Variants in MAP3K20 observed in about 807,000 individuals in gnomAD.
The protein encoded by MAP3K20 is mitogen-activated protein kinase kinase kinase 20.
Under a neutral mutation model 85.7 loss-of-function variants are expected in MAP3K20, and 40 were observed. That is an observed-to-expected ratio of 0.47 (90% CI 0.36 to 0.61). MAP3K20 has a LOEUF of 0.61. Among genes scored for constraint, MAP3K20 ranks in the 20% least tolerant of loss-of-function variants. The pLI, the probability that MAP3K20 is intolerant of heterozygous loss-of-function variation, is 0.00. For synonymous variants in MAP3K20, 325 were observed against 327.7 expected (o/e 0.99, Z 0.09); for missense variants, 817 against 961.7 (o/e 0.85, Z 1.99).
In MAP3K20 at chr2:173,189,167, A is replaced by T. The variant is rs371394020; in HGVS notation, c.415+1544A>T. Among the ~76,000 whole-genome samples, 36 of 152,304 alleles carry T rather than the reference A, an allele frequency of 2.4e-4. No homozygotes were observed. The South Asian group carries it at 6.4e-3, about 27-fold the overall frequency. On this transcript the variant is annotated intron_variant, in intron 5 of 19. Transcript: ENST00000375213. Reference sequence around the variant, plus strand: ...TTCACTTTCTATGTTATGTATTTTTATAATGGCAGTTTTTCTAGTGAGCAC... The same window carrying T: ...TTCACTTTCTATGTTATGTATTTTTTTAATGGCAGTTTTTCTAGTGAGCAC...
At chr2:173,178,426 T>C (rs1001311077) in intron 3 of MAP3K20, among the ~76,000 whole-genome samples, 1 of 152,144 alleles carries the variant, frequency 6.6e-6, no homozygotes, top group African/African-American at 2.4e-5. Context: ...GGCAGATCAC[T>C]TGAGGCCAGG....
intron 2 of MAP3K20, among the ~76,000 whole-genome samples, chr2:173,113,189 C>A (rs1688022240): frequency 6.6e-6 from 1 of 152,058 alleles, no homozygotes. Context: ...TAAAGGTGTT[C>A]ATAGTAGCCT....
chr2:173,225,713 T>TA, intron 11 of MAP3K20: 1 of 985,312 alleles, frequency 1.0e-6, no homozygotes, highest in Non-Finnish European at 1.2e-6. Flanking sequence ...TGAACAAAAT[T>TA]ACCCAAGTCA....
intron 9 of MAP3K20, among the ~76,000 whole-genome samples, chr2:173,204,232 A>G (rs561436986): frequency 1.3e-5 from 2 of 152,332 alleles, no homozygotes; most frequent in African/African-American, 4.8e-5. Flanking sequence ...ATGTTAACTC[A>G]TTTATTCCTC....
intron 1 of MAP3K20, among the ~76,000 whole-genome samples, chr2:173,078,528 A>G (rs1420787440): frequency 6.6e-6 from 1 of 152,186 alleles, no homozygotes; most frequent in East Asian, 1.9e-4. Context: ...GAAGAGGACT[A>G]TGAATGCTAG....
At chr2:173,121,364 C>G (rs529983608) in intron 2 of MAP3K20, among the ~76,000 whole-genome samples, 1 of 152,042 alleles carries the variant, frequency 6.6e-6, no homozygotes, top group Admixed American at 6.6e-5. Flanking sequence ...AAGATATTGT[C>G]GGAAACATTA....
At chr2:173,251,929 T>A (rs1242526123) in intron 16 of MAP3K20, among the ~76,000 whole-genome samples, 1 of 152,210 alleles carries the variant, frequency 6.6e-6, no homozygotes, top group African/African-American at 2.4e-5. Flanking sequence ...TCTTGATTGT[T>A]TAATGGTTTT....
chr2:173,131,130 A>C (rs1052757085), intron 2 of MAP3K20, among the ~76,000 whole-genome samples: 2 of 152,198 alleles, frequency 1.3e-5, no homozygotes, highest in African/African-American at 4.8e-5. Flanking sequence ...AGGCAGCCCA[A>C]GGATCTTAAA....
At chr2:173,133,958 T>A (rs1574043945) in intron 2 of MAP3K20, among the ~76,000 whole-genome samples, 2 of 146,610 alleles carry the variant, frequency 1.4e-5, no homozygotes, top group Non-Finnish European at 3.0e-5. Flanking sequence ...ACCACTGCCC[T>A]CCAGCCTGGG....
chr2:173,122,107 C>T (rs980879905), intron 2 of MAP3K20, among the ~76,000 whole-genome samples: 9 of 152,238 alleles, frequency 5.9e-5, no homozygotes, highest in Non-Finnish European at 1.0e-4. Context: ...AGTCCCTGAT[C>T]ATTCAAATAA....
rs190599389 is a variant in MAP3K20, at chr2:173,118,214, G to A, written c.159+27024G>A. 3.7e-3 allele frequency among the ~76,000 whole-genome samples: 560 copies of A among 152,146 alleles called. 7 individuals carry two copies. Among genetic ancestry groups the A allele is most frequent in the African/African-American group, 0.013 (535 of 41,510 alleles). Reference sequence around the variant, plus strand: ...TCACGTTAGGTTATTTTCTTAGTTTGTTGTATTGTTTATATTTAAGAAGAT... The same window carrying A: ...TCACGTTAGGTTATTTTCTTAGTTTATTGTATTGTTTATATTTAAGAAGAT... On this transcript the variant is annotated intron_variant, in intron 2 of 19. Transcript: ENST00000375213.
intron 2 of MAP3K20, among the ~76,000 whole-genome samples, chr2:173,154,479 C>T (rs1559255248): frequency 6.6e-6 from 1 of 152,190 alleles, no homozygotes; most frequent in Non-Finnish European, 1.5e-5. Context: ...CCACCGTGCC[C>T]AGCCTAATCC....
chr2:173,095,392 A>G (rs1005259621), intron 2 of MAP3K20, among the ~76,000 whole-genome samples: 1 of 145,226 alleles, frequency 6.9e-6, no homozygotes, highest in African/African-American at 2.4e-5. Context: ...GGGTACTAGG[A>G]TTGTTTACTT....
At chr2:173,114,285 AGGTGAGTCTCCT>A (rs1688056150) in intron 2 of MAP3K20, among the ~76,000 whole-genome samples, 1 of 152,142 alleles carries the variant, frequency 6.6e-6, no homozygotes. Flanking sequence ...CTTATGGGCT[AGGTGAGTCTCCT>A]GAAGACAGCA....
intron 4 of MAP3K20, 132 bp from the exon 5 acceptor site, chr2:173,187,425 AT>A: frequency 1.5e-6 from 1 of 681,180 alleles, no homozygotes; most frequent in South Asian, 2.3e-5. Flanking sequence ...TTCTGTTTTC[AT>A]TTTATCAGTC....
chr2:173,170,013 T>G (rs774069594), intron 3 of MAP3K20, 121 bp downstream of exon 3: 36 of 870,442 alleles, frequency 4.1e-5, no homozygotes, highest in Non-Finnish European at 5.7e-5. Context: ...AGATGTCACT[T>G]TTGTTGCTAT....
intron 2 of MAP3K20, among the ~76,000 whole-genome samples, chr2:173,109,477 G>T (rs543304826): frequency 1.7e-4 from 25 of 146,560 alleles, no homozygotes; most frequent in Non-Finnish European, 3.0e-4. Context: ...TATTATGGTG[G>T]TTTTTTTTTT....
At chr2:173,246,012 T>G (rs1684904627) in intron 16 of MAP3K20, among the ~76,000 whole-genome samples, 1 of 152,212 alleles carries the variant, frequency 6.6e-6, no homozygotes, top group Non-Finnish European at 1.5e-5. Context: ...AATTGTGTCT[T>G]TCTCTGCTTG....
chr2:173,134,399 TA>T (rs1688719139), intron 2 of MAP3K20, among the ~76,000 whole-genome samples: 6 of 9,230 alleles, frequency 6.5e-4, no homozygotes. Context: ...TATACATATA[TA>T]TATATATATA....
Sources: allele counts gnomAD v4.1 joint callset (sites outside exome capture counted in the v4.1 genomes callset), GRCh38; gene constraint gnomAD v4.1.1; transcripts MANE v1.5; gene names NCBI Gene and HGNC (gene_info 2026-07-23, HGNC 2026-07-21).